KMT2C: variants seen among roughly 807,000 people sequenced by gnomAD.
KMT2C encodes the protein histone-lysine N-methyltransferase 2C.
KMT2C carries 88 observed loss-of-function variants against 507.9 expected under a neutral mutation model. The ratio of observed to expected loss-of-function variants is 0.17; its 90% CI spans 0.15 to 0.21. The LOEUF (loss-of-function observed/expected upper bound fraction) is 0.21. Among genes scored for constraint, KMT2C ranks in the 10% least tolerant of loss-of-function variants. The probability of loss-of-function intolerance (pLI) is 1.00; values close to 1 mark genes in which losing one functional copy is unlikely to be tolerated. For synonymous variants in KMT2C, 2,049 were observed against 2,080.8 expected, an observed-to-expected ratio of 0.98 and a Z score of 0.42; for missense variants, 4,954 against 5,957.8, an observed-to-expected ratio of 0.83 and a Z score of 5.55.
Position 152,248,619 on chromosome 7 carries a change from T to C in KMT2C, c.1815A>G (p.Val605=). Residue 605 remains valine (V), a splice_region_variant and synonymous_variant, in exon 14 of 59, where the codon GTA becomes GTG. Coordinates refer to ENST00000262189, the MANE Select transcript of KMT2C (RefSeq NM_170606.3). Reference sequence around the variant, plus strand: ...CAGTATTCACTGTATGTTGGGATGATACTACAAAATTCAGAACATTTGTTA... The same window carrying C: ...CAGTATTCACTGTATGTTGGGATGACACTACAAAATTCAGAACATTTGTTA... ...SLDTDSLLIA[V]SSQHTVNTEL... is the part of the protein sequence containing the mutation. 3.2e-6 allele frequency: 5 copies of C among 1,585,994 alleles called. No homozygotes were observed. The highest frequency in any genetic ancestry group is 4.3e-6 in the Non-Finnish European group (5 of 1,160,172).
At chr7:152,366,222 C>T (rs1186089772) in intron 1 of KMT2C, among the ~76,000 whole-genome samples, 4 of 152,174 alleles carry the variant, frequency 2.6e-5, no homozygotes, top group Admixed American at 2.0e-4. Flanking sequence ...GCCATATGAT[C>T]CACAAATTCC....
At chr7:152,403,151 G>T (rs1364377780) in intron 1 of KMT2C, among the ~76,000 whole-genome samples, 4 of 151,408 alleles carry the variant, frequency 2.6e-5, no homozygotes, top group Admixed American at 6.6e-5. Context: ...CACACTGTGG[G>T]CGGGAATGTA....
At position 152,148,952 on chromosome 7, in the gene KMT2C, C is replaced by T. The variant is rs1276343710; in HGVS notation, c.12975G>A (p.Leu4325=). ...AAQVEAKPDE[L]KVTVKLKPRL... ...GAGGCTTCAGCTTGACTGTCACCTT[C>T]AGCTCATCTGGCTTGGCCTCGACTT... The change falls in exon 52 of 59, where the codon CTG becomes CTA. Residue 4325 remains leucine (L), a synonymous_variant. Coordinates refer to ENST00000262189, the MANE Select transcript of KMT2C (RefSeq NM_170606.3). The surrounding 1 kb of genome is among the most constrained non-coding windows in gnomAD (Gnocchi z 7.1). 2 of 1,607,616 alleles carry T rather than the reference C, an allele frequency of 1.2e-6. No individual in the cohort carries two copies. The highest frequency in any genetic ancestry group is 2.2e-5 in the East Asian group (1 of 44,870).
intron 16 of KMT2C, 64 bp downstream of exon 16, chr7:152,235,753 C>T (rs1244696263): frequency 5.4e-6 from 6 of 1,109,708 alleles, no homozygotes; most frequent in Non-Finnish European, 8.2e-6. Context: ...AAATAACTTG[C>T]TATGAGATTT....
At chr7:152,388,558 A>C (rs2116525680) in intron 1 of KMT2C, among the ~76,000 whole-genome samples, 1 of 152,418 alleles carries the variant, frequency 6.6e-6, no homozygotes, top group South Asian at 2.1e-4. Context: ...ACTGTCTCAA[A>C]AAAACAGAAA....
chr7:152,209,911 C>G (rs974723744), intron 23 of KMT2C, among the ~76,000 whole-genome samples: 2 of 151,944 alleles, frequency 1.3e-5, no homozygotes, highest in African/African-American at 4.8e-5. Context: ...GGGAGAAAAC[C>G]CAAGCAACAA....
Position 152,180,125 on chromosome 7 carries a change from C to T in KMT2C, c.7151G>A (p.Arg2384Gln), listed in dbSNP as rs757303272. The change falls in exon 37 of 59, where the codon CGG becomes CAG. Residue 2384 changes from arginine to glutamine, a missense_variant and splice_region_variant. By Grantham distance (43) the Arg-to-Gln change is conservative. Transcript: ENST00000262189. The stretch of plus-strand genomic sequence containing the variant: ...GAGAATGATTTCACGTAACTTCTGC[C>T]GCTAAATGGGAAGAAACAAAAATCA... The part of the protein sequence containing the change: ...AQADTEKLRQ[R>Q]QKLREIILQQ... The T allele has an allele frequency of 1.4e-5, 23 of 1,613,786 alleles. No homozygotes were observed. The highest frequency in any genetic ancestry group is 3.3e-5 in the Admixed American group (2 of 59,960).
In KMT2C at chr7:152,139,701, T is replaced by C. The variant is rs1352667262; in HGVS notation, c.14434A>G (p.Arg4812Gly). The C allele has an allele frequency of 6.8e-6, 11 of 1,613,576 alleles. No individual in the cohort carries two copies. Among genetic ancestry groups the C allele is most frequent in the Non-Finnish European group, 9.3e-6 (11 of 1,179,584 alleles). The change falls in exon 56 of 59, where the codon AGG becomes GGG. Residue 4812 changes from arginine to glycine, a missense_variant. Around this residue, in one of 29 missense-constraint regions of KMT2C, gnomAD observed 133 missense variants for 258.9 expected, o/e 0.51. Transcript: ENST00000262189. ...TGAGACTCATAAAGCTTCTCTTTCC[T>C]GTTGGCTACTTCGTTTCGAATGATA... is the stretch of plus-strand genomic sequence containing the variant. ...GTIIRNEVANRKEKLYESQNR... is the reference protein window; with the variant it reads ...GTIIRNEVANGKEKLYESQNR...
intron 31 of KMT2C, among the ~76,000 whole-genome samples, chr7:152,192,147 A>G (rs2093815466): frequency 6.6e-6 from 1 of 152,232 alleles, no homozygotes; most frequent in South Asian, 2.1e-4. Flanking sequence ...AAAGAAATAC[A>G]TCTTTGATTT....
chr7:152,357,876 G>C (rs750820321), intron 2 of KMT2C, among the ~76,000 whole-genome samples: 7 of 152,104 alleles, frequency 4.6e-5, no homozygotes, highest in Non-Finnish European at 1.0e-4. Context: ...TCTCTTAACT[G>C]CATGATATTC....
At chr7:152,323,807 G>C (rs896996209) in intron 3 of KMT2C, among the ~76,000 whole-genome samples, 3 of 145,256 alleles carry the variant, frequency 2.1e-5, no homozygotes, top group African/African-American at 7.7e-5. Context: ...GAGGCAGGGA[G>C]GGGAGGGGAA....
chr7:152,181,515 A>C lies in KMT2C; in HGVS notation c.6345T>G (p.Ala2115=). The part of the protein sequence containing the change: ...VNESFAHPSR[A]FSQPGTISRP... The stretch of plus-strand genomic sequence containing the variant: ...TTGATATGGTTCCAGGCTGGGAAAA[A>C]GCCCTTGAAGGATGGGCAAAAGATT... Residue 2115 remains alanine, a synonymous_variant, in exon 36 of 59, where the codon GCT becomes GCG. Transcript: ENST00000262189. 14 of 1,613,976 alleles carry C rather than the reference A, an allele frequency of 8.7e-6. No homozygotes were observed. Among genetic ancestry groups the C allele is most frequent in the Non-Finnish European group, 1.2e-5 (14 of 1,179,982 alleles).
At chr7:152,170,635 T>C (rs1469540688) in intron 40 of KMT2C, among the ~76,000 whole-genome samples, 1 of 152,108 alleles carries the variant, frequency 6.6e-6, no homozygotes, top group Non-Finnish European at 1.5e-5. Flanking sequence ...CCCAAGTAGC[T>C]GGGACTATAG....
chr7:152,361,490 G>A (rs913652997), intron 1 of KMT2C, among the ~76,000 whole-genome samples: 14 of 152,124 alleles, frequency 9.2e-5, no homozygotes, highest in African/African-American at 3.4e-4. Context: ...GTGAACCCGG[G>A]AGGCAGAGGT....
At chr7:152,210,579 G>GTATTTTATGTGTGGCCCAAGAC (rs1361950813) in intron 23 of KMT2C, among the ~76,000 whole-genome samples, 3 of 151,450 alleles carry the variant, frequency 2.0e-5, no homozygotes, top group Non-Finnish European at 4.4e-5. Context: ...TATCATTAGT[G>GTATTTTATGTGTGGCCCAAGAC]TATTTTATGT....
At chr7:152,252,158 A>G in intron 10 of KMT2C, 68 bp from the exon 11 acceptor site, 1 of 1,148,818 alleles carries the variant, frequency 8.7e-7, no homozygotes, top group Middle Eastern at 2.3e-4. Context: ...AAGAGAAGGC[A>G]TTGCTGAAAA....
intron 26 of KMT2C, among the ~76,000 whole-genome samples, 186 bp downstream of exon 26, chr7:152,202,748 A>G (rs2094186169): frequency 6.6e-6 from 1 of 152,204 alleles, no homozygotes; most frequent in South Asian, 2.1e-4. Flanking sequence ...CAAGTATCAA[A>G]GCACACAAAA....
At chr7:152,215,147 T>C (rs2094541184) in intron 23 of KMT2C, among the ~76,000 whole-genome samples, 1 of 152,028 alleles carries the variant, frequency 6.6e-6, no homozygotes, top group African/African-American at 2.4e-5. Flanking sequence ...TAGCAAGGAA[T>C]TCACCTTTGC....
rs370824395 is a variant in KMT2C, at chr7:152,222,729, T to G, written c.3324-47A>C. ...ATTTTTTTTAAAAAATGGAATATAC[T>G]GAGAACTGCTACCTTTTAAAACCTG... is the stretch of plus-strand genomic sequence containing the variant. On this transcript the variant is annotated intron_variant, in intron 20 of 58. Coordinates refer to ENST00000262189, the MANE Select transcript of KMT2C (RefSeq NM_170606.3). The G allele has an allele frequency of 2.1e-3, 2,149 of 1,027,582 alleles. 37 individuals are homozygous for G. In the African/African-American group the frequency reaches 0.031, roughly 15 times the overall value. 63.7% of individuals were successfully genotyped at this position (1,027,582 alleles called of 1,614,324 possible).
Sources: allele counts gnomAD v4.1 joint callset (sites outside exome capture counted in the v4.1 genomes callset), GRCh38; gene constraint gnomAD v4.1.1; regional missense constraint gnomAD v4.1.1; non-coding constraint Gnocchi (gnomAD v3.1); transcripts MANE v1.5; gene names NCBI Gene and HGNC (gene_info 2026-07-23, HGNC 2026-07-21).